CAMK1D: variants seen among roughly 807,000 people sequenced by gnomAD.
CAMK1D encodes the protein calcium/calmodulin-dependent protein kinase type 1D.
A neutral mutation model predicts 47.7 loss-of-function variants in CAMK1D; 9 were observed. The observed-to-expected ratio is 0.19, with a 90% CI of 0.11 to 0.33. The LOEUF (loss-of-function observed/expected upper bound fraction) is 0.33, where lower values mean the gene tolerates loss of function less well. Among genes scored for constraint, CAMK1D ranks in the 10% least tolerant of loss-of-function variants. The probability of loss-of-function intolerance (pLI) is 1.00; values close to 1 mark genes in which losing one functional copy is unlikely to be tolerated. For missense variants in CAMK1D, 291 were observed against 488.7 expected (o/e 0.60, Z 3.81); for synonymous variants, 184 against 184.9 (o/e 0.99, Z 0.04).
At chr10:12,716,408 G>A (rs1834138787) in intron 3 of CAMK1D, among the ~76,000 whole-genome samples, 1 of 152,156 alleles carries the variant, frequency 6.6e-6, no homozygotes, top group African/African-American at 2.4e-5. Flanking sequence ...CGGCTTTCTT[G>A]ACTTTGCCAG....
At chr10:12,441,346 T>C (rs1205971390) in intron 1 of CAMK1D, among the ~76,000 whole-genome samples, 2 of 152,066 alleles carry the variant, frequency 1.3e-5, no homozygotes, top group Non-Finnish European at 2.9e-5. Flanking sequence ...TACAGGCATA[T>C]GCGACAGGCC....
intron 2 of CAMK1D, among the ~76,000 whole-genome samples, chr10:12,554,298 G>A (rs1836690833): frequency 7.7e-6 from 1 of 130,236 alleles, no homozygotes. Context: ...TGGGATTACA[G>A]GCATCTGCCA....
chr10:12,752,433 A>C lies in CAMK1D; in HGVS notation c.300-8515A>C, dbSNP rs148354712. ...GGACCTAGCATGTGGAATTATAGTC[A>C]TTGGAGACTCGGGAGGGTAGAAGGG... On this transcript the variant is annotated intron_variant, in intron 3 of 10. Coordinates refer to ENST00000619168, the MANE Select transcript of CAMK1D (RefSeq NM_153498.4). 2.2e-4 allele frequency among the ~76,000 whole-genome samples: 34 copies of C among 152,336 alleles called. No homozygotes were observed. The East Asian group carries it at 6.4e-3, about 28-fold the overall frequency.
At chr10:12,522,404 C>G (rs561258951) in intron 1 of CAMK1D, among the ~76,000 whole-genome samples, 41 of 113,404 alleles carry the variant, frequency 3.6e-4, no homozygotes, top group East Asian at 2.6e-3. Context: ...TGACTCTTAA[C>G]GAGCATGCTG....
chr10:12,546,818 G>A (rs1404662155), intron 1 of CAMK1D, among the ~76,000 whole-genome samples: 3 of 151,630 alleles, frequency 2.0e-5, no homozygotes, highest in African/African-American at 7.3e-5. Context: ...TGTGGGGTGG[G>A]GGTGGGGGAG....
rs148058980 is a variant in CAMK1D, at chr10:12,774,524, G to A, written c.565+4725G>A. On this transcript the variant is annotated intron_variant, in intron 5 of 10. Coordinates refer to ENST00000619168, the MANE Select transcript of CAMK1D (RefSeq NM_153498.4). ...ACCAGGACTTGGAAATCGTCGTATA[G>A]ACTTTAGCTTCTACTCGGTGATAGG... Among the ~76,000 whole-genome samples, 66 of 152,332 alleles carry A rather than the reference G, an allele frequency of 4.3e-4. 1 individual carries two copies. The highest frequency in any genetic ancestry group is 7.2e-4 in the Non-Finnish European group (49 of 68,032).
At chr10:12,569,411 T>C (rs867037345) in intron 2 of CAMK1D, among the ~76,000 whole-genome samples, 2 of 152,110 alleles carry the variant, frequency 1.3e-5, no homozygotes, top group Non-Finnish European at 2.9e-5. Flanking sequence ...TTTCTACTAC[T>C]CTTAAAAATT....
At chr10:12,666,954 G>A (rs1840451803) in intron 3 of CAMK1D, 144 bp downstream of exon 3, 4 of 665,496 alleles carry the variant, frequency 6.0e-6, no homozygotes, top group East Asian at 5.2e-5. Context: ...AGAGAGGCCT[G>A]TATCCAACTA....
At chr10:12,535,125 G>C (rs1410297068) in intron 1 of CAMK1D, among the ~76,000 whole-genome samples, 1 of 152,126 alleles carries the variant, frequency 6.6e-6, no homozygotes, top group Non-Finnish European at 1.5e-5. Context: ...CACAGTCCCT[G>C]CTACAGCCCA....
At chr10:12,616,306 A>G (rs1002863926) in intron 2 of CAMK1D, among the ~76,000 whole-genome samples, 10 of 152,208 alleles carry the variant, frequency 6.6e-5, no homozygotes, top group Non-Finnish European at 8.8e-5. Context: ...AATTGATTGC[A>G]TAACAAAGCG....
At chr10:12,395,287 A>C (rs1035364402) in intron 1 of CAMK1D, among the ~76,000 whole-genome samples, 2 of 151,584 alleles carry the variant, frequency 1.3e-5, no homozygotes, top group Non-Finnish European at 1.5e-5. Context: ...CCTTGGCCTC[A>C]AGTGATCCCC....
At chr10:12,506,431 A>G (rs1312551927) in intron 1 of CAMK1D, among the ~76,000 whole-genome samples, 1 of 152,188 alleles carries the variant, frequency 6.6e-6, no homozygotes, top group African/African-American at 2.4e-5. Flanking sequence ...AAAAGAAAAG[A>G]TAATGAATTA....
At chr10:12,801,068 G>A (rs1838409272) in intron 6 of CAMK1D, among the ~76,000 whole-genome samples, 1 of 152,178 alleles carries the variant, frequency 6.6e-6, no homozygotes, top group Non-Finnish European at 1.5e-5. Flanking sequence ...CTGATGCTGT[G>A]TGGCTGCCCT....
chr10:12,754,307 C>T (rs1196798663), intron 3 of CAMK1D, among the ~76,000 whole-genome samples: 1 of 152,160 alleles, frequency 6.6e-6, no homozygotes, highest in African/African-American at 2.4e-5. Flanking sequence ...TCCCTCCACC[C>T]TCAAAGCCAT....
At chr10:12,562,669 C>T (rs1836982344) in intron 2 of CAMK1D, among the ~76,000 whole-genome samples, 4 of 152,208 alleles carry the variant, frequency 2.6e-5, no homozygotes, top group Admixed American at 2.6e-4. Flanking sequence ...TTGACACACA[C>T]CTCCTTCAGG....
At chr10:12,505,426 G>C (rs537235554) in intron 1 of CAMK1D, among the ~76,000 whole-genome samples, 1 of 152,310 alleles carries the variant, frequency 6.6e-6, no homozygotes, top group Non-Finnish European at 1.5e-5. Context: ...TAAAACGGGT[G>C]TAGAAAGCCT....
intron 1 of CAMK1D, among the ~76,000 whole-genome samples, chr10:12,514,938 C>T (rs1835145348): frequency 1.3e-5 from 2 of 152,202 alleles, no homozygotes; most frequent in South Asian, 4.1e-4. Flanking sequence ...GCAGCCTCTG[C>T]CTCCTGGGTT....
At chr10:12,687,438 G>C (rs748102018) in intron 3 of CAMK1D, among the ~76,000 whole-genome samples, 1 of 152,112 alleles carries the variant, frequency 6.6e-6, no homozygotes, top group Admixed American at 6.5e-5. Flanking sequence ...TTCCCGTTAC[G>C]ACTTCAATAT....
chr10:12,427,393 C>G (rs1840269786), intron 1 of CAMK1D, among the ~76,000 whole-genome samples: 1 of 152,148 alleles, frequency 6.6e-6, no homozygotes. Context: ...CATGGAGAGG[C>G]TGGGGAAGAA....
Sources: gnomAD v4.1 joint callset for allele counts (sites outside exome capture counted in the v4.1 genomes callset) on GRCh38, gnomAD v4.1.1 for gene constraint, MANE v1.5 for transcripts, NCBI Gene and HGNC (gene_info 2026-07-23, HGNC 2026-07-21) for gene names.